ALG8: variants seen among roughly 807,000 people sequenced by gnomAD.
The protein encoded by ALG8 is ALG8 alpha-1,3-glucosyltransferase.
In ALG8, 48 loss-of-function variants were observed where a neutral mutation model predicts 70.2. The observed-to-expected ratio is 0.68, with a 90% CI of 0.54 to 0.87. The LOEUF is 0.87. ALG8 is among the 40% of genes least tolerant of loss of function. The pLI is 0.00. For synonymous variants in ALG8, 234 were observed against 229.0 expected, an observed-to-expected ratio of 1.02 and a Z score of -0.20; for missense variants, 572 against 608.7, an observed-to-expected ratio of 0.94 and a Z score of 0.64.
At chr11:78,127,236 C>T (rs371981207) in intron 2 of ALG8, 122 bp downstream of exon 2, 2 of 896,198 alleles carry the variant, frequency 2.2e-6, no homozygotes, top group Non-Finnish European at 3.4e-6. Flanking sequence ...CTTGGCCTCC[C>T]AAAGTGCTGG....
chr11:78,119,322 G>C (rs1038895571), intron 4 of ALG8, 73 bp from the exon 5 acceptor site: 13 of 1,113,290 alleles, frequency 1.2e-5, no homozygotes, highest in Middle Eastern at 3.9e-4. Flanking sequence ...ATGGAGTATA[G>C]AAATTCCAAA....
Position 78,109,495 on chromosome 11 carries a change from G to T in ALG8, c.985C>A (p.Leu329Ile), listed in dbSNP as rs1336280981. The change falls in exon 9 of 13, where the codon CTT becomes ATT. Residue 329 changes from leucine (L) to isoleucine (I), a missense_variant. Leu to Ile is a conservative substitution (Grantham distance 5). Transcript: ENST00000299626. ...GTTGCCAAGGGAGTCACTGAGGGAA[G>T]GACTGTGTGTTGGAACTGCTGAACC... ...GLVQQFQHTV[L>I]PSVTPLATLI... is the part of the protein sequence containing the mutation. 8 of 1,614,142 alleles carry T rather than the reference G, an allele frequency of 5.0e-6. No individual in the cohort carries two copies. Among genetic ancestry groups the T allele is most frequent in the Non-Finnish European group, 6.8e-6 (8 of 1,180,014 alleles).
intron 9 of ALG8, chr11:78,107,680 A>G: frequency 5.8e-6 from 1 of 173,298 alleles, no homozygotes; most frequent in East Asian, 1.9e-4. Flanking sequence ...CTCTACTAAA[A>G]ATACAAAAAA....
chr11:78,134,291 C>T (rs1465142005), intron 1 of ALG8, among the ~76,000 whole-genome samples: 1 of 152,114 alleles, frequency 6.6e-6, no homozygotes, highest in Non-Finnish European at 1.5e-5. Context: ...GTGCCCACCA[C>T]CACACTTGGC....
At chr11:78,106,291 G>C (rs952122968) in intron 10 of ALG8, among the ~76,000 whole-genome samples, 3 of 151,404 alleles carry the variant, frequency 2.0e-5, no homozygotes, top group African/African-American at 7.3e-5. Flanking sequence ...TCTTCCTCCC[G>C]GGTTCAAGCA....
chr11:78,117,357 A>G (rs546352606), intron 5 of ALG8, among the ~76,000 whole-genome samples: 2 of 152,272 alleles, frequency 1.3e-5, no homozygotes, highest in Admixed American at 1.3e-4. Flanking sequence ...TTCCTCCTCT[A>G]TAGGAGGAAT....
chr11:78,127,944 C>A (rs1861149327), intron 1 of ALG8, among the ~76,000 whole-genome samples: 1 of 152,076 alleles, frequency 6.6e-6, no homozygotes, highest in African/African-American at 2.4e-5. Flanking sequence ...TCAGGTGATC[C>A]ACCTGCCTCA....
chr11:78,131,114 G>T (rs562666785), intron 1 of ALG8, among the ~76,000 whole-genome samples: 232 of 137,554 alleles, frequency 1.7e-3, no homozygotes, highest in African/African-American at 6.6e-3. Context: ...TTTTTTGGGT[G>T]CTTTATTTTG....
chr11:78,123,315 G>GAAAAAAAAAAAAA (rs1220218900), intron 3 of ALG8, among the ~76,000 whole-genome samples: 67 of 88,456 alleles, frequency 7.6e-4, no homozygotes, highest in Admixed American at 1.3e-3. Flanking sequence ...GGAAAAAAAA[G>GAAAAAAAAAAAAA]AAAAAAAAAA....
Position 78,139,507 on chromosome 11 carries a change from G to C in ALG8, c.82C>G (p.Leu28Val). 10 of 1,560,192 alleles carry C rather than the reference G, an allele frequency of 6.4e-6. No individual in the cohort carries two copies. The highest frequency in any genetic ancestry group is 7.8e-6 in the Non-Finnish European group (9 of 1,151,488). The change falls in exon 1 of 13, where the codon CTC (leucine) becomes GTC (valine). Residue 28 changes from leucine (L) to valine (V), a missense_variant. Physicochemically the swap from Leu to Val is conservative, Grantham distance 32. Transcript: ENST00000299626. ...ALGVTLLKCL[L>V]IPTYHSTDFE... ...CGAGTCCCTTACTATGTGGGGATGAGAAGGCATTTGAGAAGAGTCACCCCG... is the reference window on the plus strand; with the variant it reads ...CGAGTCCCTTACTATGTGGGGATGACAAGGCATTTGAGAAGAGTCACCCCG...
chr11:78,105,263 G>T (rs1045110560), intron 10 of ALG8, among the ~76,000 whole-genome samples: 2 of 152,172 alleles, frequency 1.3e-5, no homozygotes, highest in African/African-American at 4.8e-5. Flanking sequence ...TATGTTCAGA[G>T]CTTAAATGAT....
At chr11:78,137,789 T>A (rs1861610909) in intron 1 of ALG8, 1 of 152,116 alleles carries the variant, frequency 6.6e-6, no homozygotes, top group East Asian at 1.9e-4. Flanking sequence ...ATAACAAATA[T>A]AATAGCAATG....
At chr11:78,123,282 G>A (rs1286905064) in intron 3 of ALG8, among the ~76,000 whole-genome samples, 1 of 120,146 alleles carries the variant, frequency 8.3e-6, no homozygotes, top group East Asian at 2.7e-4. Context: ...TAGCCTGGGC[G>A]ACAGAGCAAG....
At chr11:78,139,034 C>CACA (rs1861679382) in intron 1 of ALG8, 2 of 346,172 alleles carry the variant, frequency 5.8e-6, no homozygotes, top group Admixed American at 8.2e-5. Context: ...AGGAATAGCG[C>CACA]ACAGCCACTT....
In ALG8 at chr11:78,127,388, G is replaced by T. The variant is rs1159969267; in HGVS notation, c.144C>A (p.His48Gln). ...AATACCACTGTGATATTGGCAAACT[G>T]TGAGTGATAGCAAGCCAGTTTCGGT... ...EVHRNWLAIT[H>Q]SLPISQWYYE... is the part of the protein sequence containing the mutation. The change falls in exon 2 of 13, where the codon CAC (histidine) becomes CAA (glutamine). Residue 48 changes from histidine to glutamine, a missense_variant. By Grantham distance (24) the His-to-Gln change is conservative. Transcript: ENST00000299626. 2.5e-6 allele frequency: 4 copies of T among 1,613,562 alleles called. No homozygotes were observed. Among genetic ancestry groups the T allele is most frequent in the Non-Finnish European group, 3.4e-6 (4 of 1,179,862 alleles).
chr11:78,105,648 TAAA>T (rs200968449), intron 10 of ALG8, among the ~76,000 whole-genome samples: 2 of 108,588 alleles, frequency 1.8e-5, no homozygotes, highest in Admixed American at 9.8e-5. Flanking sequence ...TACCAAAAAG[TAAA>T]AAAAAAAAAA....
chr11:78,119,995 G>A (rs571952527), intron 4 of ALG8, among the ~76,000 whole-genome samples: 8 of 151,808 alleles, frequency 5.3e-5, no homozygotes, highest in Non-Finnish European at 1.0e-4. Flanking sequence ...CCAGCTACTC[G>A]GGAGGCTGAA....
In ALG8 at chr11:78,139,616, A is replaced by C; in HGVS notation, c.-28T>G. 1 of 1,547,438 alleles carries C rather than the reference A, an allele frequency of 6.5e-7. No individual in the cohort carries two copies. Among genetic ancestry groups the C allele is most frequent in the Non-Finnish European group, 8.7e-7 (1 of 1,143,482 alleles). On this transcript the variant is annotated 5_prime_UTR_variant, in exon 1 of 13. Coordinates refer to ENST00000299626, the MANE Select transcript of ALG8 (RefSeq NM_024079.5). ...CTGCGGCACCGCACGCTTCCCACCA[A>C]CTTGATCCACATCCGGGATCCCGCG...
intron 1 of ALG8, among the ~76,000 whole-genome samples, chr11:78,136,744 T>G (rs960806058): frequency 2.0e-5 from 3 of 152,178 alleles, no homozygotes; most frequent in Admixed American, 6.5e-5. Flanking sequence ...GATGGCATCT[T>G]CCAATGTAAG....
Sources: allele counts gnomAD v4.1 joint callset (sites outside exome capture counted in the v4.1 genomes callset), GRCh38; gene constraint gnomAD v4.1.1; transcripts MANE v1.5; gene names NCBI Gene and HGNC (gene_info 2026-07-23, HGNC 2026-07-21).